Variants in TRAF5 observed in about 807,000 individuals in gnomAD.
TRAF5 encodes the protein TNF receptor associated factor 5.
In TRAF5, 48 loss-of-function variants were observed where a neutral mutation model predicts 64.5. The observed-to-expected ratio is 0.74, with a 90% CI of 0.59 to 0.95. TRAF5 has a LOEUF of 0.95. Ranked by LOEUF, TRAF5 falls within the 40% of genes least tolerant of loss-of-function variation. TRAF5 has a pLI of 0.00. For synonymous variants in TRAF5, 206 were observed against 240.5 expected (o/e 0.86, Z 1.33); for missense variants, 545 against 662.8 (o/e 0.82, Z 1.95).
chr1:211,353,347 G>T lies in TRAF5; in HGVS notation c.108G>T (p.Val36=). Residue 36 remains valine (V), a synonymous_variant, in exon 2 of 11, where the codon GTG becomes GTT. Transcript: ENST00000261464. The part of the protein sequence containing the change: ...DFEPSIEYQF[V]ERLEERYKCA... ...AGCCCAGTATAGAGTACCAGTTTGT[G>T]GAGCGGTTGGAAGAGCGCTACAAAT... The T allele has an allele frequency of 6.2e-7, 1 of 1,614,182 alleles. No individual in the cohort carries two copies. The highest frequency in any genetic ancestry group is 8.5e-7 in the Non-Finnish European group (1 of 1,180,040).
In TRAF5 at chr1:211,372,459, A is replaced by G. The variant is rs776647450; in HGVS notation, c.1431A>G (p.Pro477=). The G allele has an allele frequency of 6.2e-7, 1 of 1,614,190 alleles. No individual in the cohort carries two copies. The highest frequency in any genetic ancestry group is 8.5e-7 in the Non-Finnish European group (1 of 1,180,034). The change falls in exon 11 of 11, where the codon CCA becomes CCG. Residue 477 remains proline (P), a synonymous_variant. Transcript: ENST00000261464. ...RGEFDSLLQW[P]FRQRVTLMLL... is the part of the protein sequence containing the mutation. ...AGTTTGACTCACTGTTGCAGTGGCC[A>G]TTCAGGCAGAGGGTGACCCTGATGC...
intron 1 of TRAF5, among the ~76,000 whole-genome samples, chr1:211,330,100 G>A (rs1052870095): frequency 2.0e-5 from 3 of 152,192 alleles, no homozygotes; most frequent in Admixed American, 6.5e-5. Context: ...AGCACATTTT[G>A]CATATTTGTA....
chr1:211,344,407 C>T (rs1174302757), intron 1 of TRAF5, among the ~76,000 whole-genome samples: 1 of 152,138 alleles, frequency 6.6e-6, no homozygotes, highest in Non-Finnish European at 1.5e-5. Flanking sequence ...GAAAACATAC[C>T]CTTATCTCTG....
At chr1:211,349,661 A>G (rs939054773) in intron 1 of TRAF5, among the ~76,000 whole-genome samples, 2 of 152,210 alleles carry the variant, frequency 1.3e-5, no homozygotes, top group Non-Finnish European at 2.9e-5. Flanking sequence ...TTGGAGAACT[A>G]CTGTTGTAGC....
rs995191471 is a variant in TRAF5 at position 211,374,484 on chromosome 1, G to C, written c.*1782G>C. ...TCTGTGGGATTTTCAAAATGCTAAA[G>C]ACTCACACTGCAGCAATCATCCCAG... On this transcript the variant is annotated 3_prime_UTR_variant, in exon 11 of 11. Transcript: ENST00000261464. The C allele has an allele frequency of 1.3e-5, 2 of 152,202 alleles. No homozygotes were observed. Among genetic ancestry groups the C allele is most frequent in the African/African-American group, 4.8e-5 (2 of 41,440 alleles). The allele number at this position is 152,202 out of a possible 1,614,324, so 9.4% of individuals were successfully genotyped here.
intron 1 of TRAF5, among the ~76,000 whole-genome samples, chr1:211,345,181 T>G (rs1375298808): frequency 6.6e-6 from 1 of 152,034 alleles, no homozygotes; most frequent in Non-Finnish European, 1.5e-5. Context: ...CCTCCCAGAG[T>G]GCTGGGATTA....
chr1:211,336,377 T>C (rs1359101321), intron 1 of TRAF5, among the ~76,000 whole-genome samples: 2 of 152,208 alleles, frequency 1.3e-5, no homozygotes, highest in Non-Finnish European at 2.9e-5. Flanking sequence ...GGAGCGCTGC[T>C]CAGGCTTTAC....
intron 1 of TRAF5, among the ~76,000 whole-genome samples, chr1:211,337,953 C>T (rs1702347884): frequency 6.6e-6 from 1 of 152,100 alleles, no homozygotes; most frequent in Non-Finnish European, 1.5e-5. Context: ...GTCCAGATTG[C>T]AGATAGAAAT....
chr1:211,348,300 G>A (rs1702674577), intron 1 of TRAF5, among the ~76,000 whole-genome samples: 1 of 151,998 alleles, frequency 6.6e-6, no homozygotes, highest in African/African-American at 2.4e-5. Context: ...AAAAATATTT[G>A]TATTAACATA....
chr1:211,369,805 C>T (rs1252735582), intron 9 of TRAF5, among the ~76,000 whole-genome samples: 1 of 152,064 alleles, frequency 6.6e-6, no homozygotes, highest in African/African-American at 2.4e-5. Flanking sequence ...CCCTCCACTG[C>T]TCCTCCCCCG....
intron 8 of TRAF5, among the ~76,000 whole-genome samples, chr1:211,365,744 A>G (rs994113921): frequency 2.0e-5 from 3 of 152,198 alleles, no homozygotes; most frequent in Admixed American, 1.3e-4. Flanking sequence ...GCATAATTCA[A>G]TCTCAAAATC....
chr1:211,336,612 G>A (rs1702299448), intron 1 of TRAF5, among the ~76,000 whole-genome samples: 1 of 152,214 alleles, frequency 6.6e-6, no homozygotes, highest in African/African-American at 2.4e-5. Flanking sequence ...CAGTCATTCT[G>A]TAAGTATTTA....
At position 211,373,544 on chromosome 1, in the gene TRAF5, A is replaced by G. The variant is rs1442516625; in HGVS notation, c.*842A>G. On this transcript the variant is annotated 3_prime_UTR_variant, in exon 11 of 11. Coordinates refer to ENST00000261464, the MANE Select transcript of TRAF5 (RefSeq NM_001033910.3). ...TATACACCTATATATGTGTGTATAC[A>G]AACAGTTCGAATGTATTTTGGTGAC... is the stretch of plus-strand genomic sequence containing the variant. 6.6e-6 allele frequency: 1 copy of G among 152,194 alleles called. No homozygotes were observed. The highest frequency in any genetic ancestry group is 1.5e-5 in the Non-Finnish European group (1 of 68,044). 9.4% of individuals were successfully genotyped at this position (152,194 alleles called of 1,614,324 possible). A position where few individuals can be genotyped will look rare whatever the true frequency, so the allele number is the denominator to read the frequency against.
Position 211,370,586 on chromosome 1 carries a change from A to G in TRAF5, c.931-716A>G, listed in dbSNP as rs150635712. 9.8e-5 allele frequency among the ~76,000 whole-genome samples: 15 copies of G among 152,310 alleles called. No individual in the cohort carries two copies. In the East Asian group the frequency reaches 2.9e-3, roughly 29 times the overall value. ...AAAATGTGTTTGATACACCTAACCT[A>G]TTAAACATCATAGCTTAGCCTAGCA... is the stretch of plus-strand genomic sequence containing the variant. On this transcript the variant is annotated intron_variant, in intron 9 of 10. Coordinates refer to ENST00000261464, the MANE Select transcript of TRAF5 (RefSeq NM_001033910.3).
intron 1 of TRAF5, among the ~76,000 whole-genome samples, chr1:211,336,638 G>A (rs978549330): frequency 6.6e-6 from 1 of 152,226 alleles, no homozygotes; most frequent in Non-Finnish European, 1.5e-5. Flanking sequence ...CACCTGTCAT[G>A]TGCACTGTTT....
chr1:211,369,829 TGTGTGTGTGC>T (rs984446579), intron 9 of TRAF5, among the ~76,000 whole-genome samples: 1 of 152,168 alleles, frequency 6.6e-6, no homozygotes, highest in Non-Finnish European at 1.5e-5. Flanking sequence ...TGTATGTGTG[TGTGTGTGTGC>T]GTGTGCATGT....
intron 1 of TRAF5, among the ~76,000 whole-genome samples, chr1:211,331,431 A>G (rs1258272747): frequency 6.6e-6 from 1 of 152,188 alleles, no homozygotes; most frequent in Non-Finnish European, 1.5e-5. Context: ...CCCACTGGTA[A>G]ATAGAAATAG....
intron 10 of TRAF5, among the ~76,000 whole-genome samples, chr1:211,371,796 ATG>A (rs1483883819): frequency 6.6e-6 from 1 of 152,204 alleles, no homozygotes; most frequent in African/African-American, 2.4e-5. Context: ...TGTTTTAGGT[ATG>A]GAAAAATATT....
At chr1:211,354,368 G>T in intron 2 of TRAF5, 42 bp from the exon 3 acceptor site, 3 of 1,601,932 alleles carry the variant, frequency 1.9e-6, no homozygotes, top group Non-Finnish European at 2.6e-6. Context: ...TGCTGTTGAG[G>T]TAAACAACTA....
Sources: gnomAD v4.1 joint callset for allele counts (sites outside exome capture counted in the v4.1 genomes callset) on GRCh38, gnomAD v4.1.1 for gene constraint, MANE v1.5 for transcripts, NCBI Gene and HGNC (gene_info 2026-07-23, HGNC 2026-07-21) for gene names.